Variants in C12orf42 observed in about 807,000 individuals in gnomAD.
C12orf42 encodes chromosome 12 open reading frame 42, also known as uncharacterized protein C12orf42.
A neutral mutation model predicts 21.6 loss-of-function variants in C12orf42; 25 were observed. That is an observed-to-expected ratio of 1.16 (90% CI 0.84 to 1.62). C12orf42 has a LOEUF of 1.62. C12orf42 is among the 40% of genes most tolerant of loss of function. The pLI is 0.00. For synonymous variants in C12orf42, 174 were observed against 175.0 expected (o/e 0.99, Z 0.05); for missense variants, 483 against 459.3 (o/e 1.05, Z -0.47).
At chr12:103,386,673 T>C (rs150042077) in intron 3 of C12orf42, among the ~76,000 whole-genome samples, 3 of 152,182 alleles carry the variant, frequency 2.0e-5, no homozygotes, top group Admixed American at 1.3e-4. Context: ...TCTTGCAACA[T>C]AGGATTGCTC....
the C12orf42 span, among the ~76,000 whole-genome samples, chr12:103,543,604 A>C: frequency 4.6e-5 from 7 of 151,274 alleles, no homozygotes; most frequent in Non-Finnish European, 1.0e-4. Context: ...CAAAATGGGA[A>C]TCTGTCTCAA....
At chr12:103,195,263 A>T in the C12orf42 span, among the ~76,000 whole-genome samples, 3 of 152,122 alleles carry the variant, frequency 2.0e-5, no homozygotes, top group African/African-American at 7.2e-5. Flanking sequence ...ATACACATGC[A>T]TGTGTATTTA....
chr12:103,214,712 A>G, the C12orf42 span, among the ~76,000 whole-genome samples: 2 of 152,210 alleles, frequency 1.3e-5, no homozygotes, highest in Non-Finnish European at 2.9e-5. Flanking sequence ...GTCATAGTTA[A>G]GGGAGTCCAC....
At chr12:103,448,824 T>C (rs1951744276) in intron 2 of C12orf42, among the ~76,000 whole-genome samples, 2 of 151,944 alleles carry the variant, frequency 1.3e-5, no homozygotes, top group South Asian at 4.1e-4. Context: ...GAGAACACTT[T>C]TACACTGTTG....
chr12:103,060,928 C>G, the C12orf42 span, among the ~76,000 whole-genome samples: 16 of 152,148 alleles, frequency 1.1e-4, no homozygotes, highest in African/African-American at 3.9e-4. Context: ...GACTTCATGA[C>G]TAAAACACCA....
At chr12:103,302,654 C>T (rs1243321246) in intron 5 of C12orf42, 95 bp from the exon 6 acceptor site, 1 of 886,992 alleles carries the variant, frequency 1.1e-6, no homozygotes, top group African/African-American at 1.8e-5. Context: ...GAGAAATCAA[C>T]ATTTGTAATG....
At chr12:103,176,570 T>G in the C12orf42 span, among the ~76,000 whole-genome samples, 1 of 152,342 alleles carries the variant, frequency 6.6e-6, no homozygotes, top group Non-Finnish European at 1.5e-5. Context: ...ATATGTGTCA[T>G]TTAACTCTCA....
At chr12:103,181,451 G>C in the C12orf42 span, among the ~76,000 whole-genome samples, 1 of 152,090 alleles carries the variant, frequency 6.6e-6, no homozygotes, top group Non-Finnish European at 1.5e-5. Flanking sequence ...CTTTGAAATG[G>C]GTTACTCAAC....
chr12:103,183,554 A>G, the C12orf42 span, among the ~76,000 whole-genome samples: 1 of 151,766 alleles, frequency 6.6e-6, no homozygotes, highest in African/African-American at 2.4e-5. Flanking sequence ...ATTGTCTTAC[A>G]TTTTTTATTT....
At chr12:103,216,391 G>C in the C12orf42 span, among the ~76,000 whole-genome samples, 2 of 145,730 alleles carry the variant, frequency 1.4e-5, no homozygotes, top group African/African-American at 2.6e-5. Flanking sequence ...TTTTTTTTGA[G>C]ACAGAGTCTC....
At chr12:103,415,600 G>T (rs550805070) in intron 2 of C12orf42, among the ~76,000 whole-genome samples, 1 of 152,284 alleles carries the variant, frequency 6.6e-6, no homozygotes, top group Admixed American at 6.5e-5. Context: ...ACAGTGCAAT[G>T]AAAATAGAAA....
chr12:103,545,349 T>C, the C12orf42 span, among the ~76,000 whole-genome samples: 3,131 of 152,296 alleles, frequency 0.021, 115 homozygotes, highest in African/African-American at 0.069. Flanking sequence ...TAAATGTATA[T>C]AATATAACCC....
At chr12:103,363,839 T>C (rs1196858466) in intron 4 of C12orf42, among the ~76,000 whole-genome samples, 1 of 152,008 alleles carries the variant, frequency 6.6e-6, no homozygotes, top group African/African-American at 2.4e-5. Context: ...CTCCCAAATT[T>C]ATAATACAGT....
chr12:103,170,991 T>C, the C12orf42 span, among the ~76,000 whole-genome samples: 1 of 152,118 alleles, frequency 6.6e-6, no homozygotes, highest in Non-Finnish European at 1.5e-5. Flanking sequence ...CTCATCCCAT[T>C]ATGTTATACT....
chr12:103,219,635 A>C, the C12orf42 span, among the ~76,000 whole-genome samples: 1 of 152,256 alleles, frequency 6.6e-6, no homozygotes, highest in Non-Finnish European at 1.5e-5. Context: ...GAAGACTTTT[A>C]TGTGGCCAAC....
chr12:103,413,897 CA>C lies in C12orf42; in HGVS notation c.79-12223del, dbSNP rs1386787994. ...ATACATCATTATAATTTTCTTTATC[CA>C]CTCATTGGTTGATGTACATTTAGGC... On this transcript the variant is annotated intron_variant, in intron 2 of 5. Transcript: ENST00000548883. Among the ~76,000 whole-genome samples the C allele has an allele frequency of 5.3e-5, 8 of 151,886 alleles. No homozygotes were observed. In the East Asian group the frequency reaches 1.4e-3, roughly 26 times the overall value.
chr12:103,442,985 A>G lies in C12orf42; in HGVS notation c.78+35364T>C, dbSNP rs185458874. On this transcript the variant is annotated intron_variant, in intron 2 of 5. Coordinates refer to ENST00000548883, the MANE Select transcript of C12orf42 (RefSeq NM_198521.5). ...AAGTAGTAAACACGGCAGGTGCTCT[A>G]AGCAGCTTACAGTCAAATGGAGAAA... Among the ~76,000 whole-genome samples, 738 of 152,228 alleles carry G rather than the reference A, an allele frequency of 4.8e-3. 8 individuals carry two copies. Among genetic ancestry groups the G allele is most frequent in the Non-Finnish European group, 9.0e-3 (613 of 68,002 alleles).
At chr12:103,338,514 A>G (rs1388884666) in intron 4 of C12orf42, among the ~76,000 whole-genome samples, 1 of 152,220 alleles carries the variant, frequency 6.6e-6, no homozygotes, top group African/African-American at 2.4e-5. Flanking sequence ...AGGCCTGAAG[A>G]AGTGTTTTCC....
chr12:103,428,920 C>G (rs796576264), intron 2 of C12orf42, among the ~76,000 whole-genome samples: 14 of 152,004 alleles, frequency 9.2e-5, no homozygotes, highest in Non-Finnish European at 2.1e-4. Context: ...ATTCAACACC[C>G]CTTCATGCTA....
Sources: gnomAD v4.1 joint callset for allele counts (sites outside exome capture counted in the v4.1 genomes callset) on GRCh38, gnomAD v4.1.1 for gene constraint, MANE v1.5 for transcripts, NCBI Gene and HGNC (gene_info 2026-07-23, HGNC 2026-07-21) for gene names.